STN1: variants seen among roughly 807,000 people sequenced by gnomAD.
STN1 encodes STN1 subunit of CST complex, also known as CST complex subunit STN1.
STN1 carries 29 observed loss-of-function variants against 45.5 expected under a neutral mutation model. That is an observed-to-expected ratio of 0.64 (90% CI 0.47 to 0.87). The LOEUF (loss-of-function observed/expected upper bound fraction) is 0.87, where lower values mean the gene tolerates loss of function less well. STN1 is among the 40% of genes least tolerant of loss of function. STN1 has a pLI of 0.00. For synonymous variants in STN1, 148 were observed against 159.0 expected (o/e 0.93, Z 0.52); for missense variants, 376 against 441.4 (o/e 0.85, Z 1.33).
At chr10:103,887,434 G>C (rs1843111308) in intron 9 of STN1, among the ~76,000 whole-genome samples, 1 of 152,202 alleles carries the variant, frequency 6.6e-6, no homozygotes, top group Non-Finnish European at 1.5e-5. Context: ...GGGGAACACA[G>C]AAGCTGGGGC....
intron 2 of STN1, among the ~76,000 whole-genome samples, chr10:103,912,917 T>A (rs191459629): frequency 2.6e-5 from 4 of 152,180 alleles, no homozygotes; most frequent in African/African-American, 9.7e-5. Context: ...CCACAGCACA[T>A]AGGCAATCAG....
At chr10:103,897,470 C>T in intron 7 of STN1, 78 bp downstream of exon 7, 7 of 1,246,274 alleles carry the variant, frequency 5.6e-6, no homozygotes, top group Non-Finnish European at 8.2e-6. Flanking sequence ...CTTCATGCCA[C>T]AGTCACTTTC....
intron 2 of STN1, 33 bp downstream of exon 2, chr10:103,917,429 G>A (rs1843341052): frequency 1.2e-6 from 2 of 1,602,094 alleles, no homozygotes; most frequent in African/African-American, 2.7e-5. Context: ...GGCAGATGCA[G>A]CCCAGGGCAT....
At chr10:103,889,028 C>T (rs763987506) in intron 9 of STN1, 44 bp downstream of exon 9, 1 of 1,368,414 alleles carries the variant, frequency 7.3e-7, no homozygotes, top group South Asian at 1.2e-5. Flanking sequence ...GACAGTATCC[C>T]CTTCCAGGGC....
chr10:103,908,639 A>T (rs1393391492), intron 3 of STN1, among the ~76,000 whole-genome samples: 1 of 152,194 alleles, frequency 6.6e-6, no homozygotes, highest in African/African-American at 2.4e-5. Context: ...CAGCAGTCAG[A>T]TGCTTTTTAT....
chr10:103,892,366 T>C (rs975948627), intron 7 of STN1, 114 bp from the exon 8 acceptor site: 4 of 939,338 alleles, frequency 4.3e-6, no homozygotes, highest in Non-Finnish European at 4.6e-6. Context: ...TTTTAACTGC[T>C]GAGTCAAAAA....
intron 3 of STN1, among the ~76,000 whole-genome samples, chr10:103,905,484 T>C (rs1249635929): frequency 6.6e-6 from 1 of 152,188 alleles, no homozygotes; most frequent in Non-Finnish European, 1.5e-5. Flanking sequence ...ATGGTGGCCT[T>C]GGGAAGTTAA....
Position 103,888,936 on chromosome 10 carries a change from AG to A in STN1, c.949+135del, listed in dbSNP as rs1843120499. On this transcript the variant is annotated intron_variant, in intron 9 of 9. Transcript: ENST00000224950. ...GAGGAGATGGAGGCTCAGGGAGGGC[AG>A]GTACTTTGACTATCACCTTTCCAAG... 6.2e-6 allele frequency: 4 copies of A among 640,944 alleles called. No homozygotes were observed. In the South Asian group the frequency reaches 7.1e-5, roughly 11 times the overall value. The allele number at this position is 640,944 out of a possible 1,614,324, so 39.7% of individuals were successfully genotyped here. A position where few individuals can be genotyped will look rare whatever the true frequency, so the allele number is the denominator to read the frequency against.
intron 7 of STN1, among the ~76,000 whole-genome samples, chr10:103,893,179 CTT>C (rs879777071): frequency 1.4e-5 from 2 of 146,808 alleles, no homozygotes; most frequent in African/African-American, 2.5e-5. Context: ...AGTACAGATC[CTT>C]TTTTTTTTTG....
chr10:103,891,553 C>T (rs1183959334), intron 8 of STN1, among the ~76,000 whole-genome samples: 1 of 152,176 alleles, frequency 6.6e-6, no homozygotes, highest in African/African-American at 2.4e-5. Flanking sequence ...GGCAATCGAT[C>T]ACCTACCCCA....
At chr10:103,915,620 T>C (rs1165750993) in intron 2 of STN1, among the ~76,000 whole-genome samples, 1 of 152,244 alleles carries the variant, frequency 6.6e-6, no homozygotes, top group Non-Finnish European at 1.5e-5. Flanking sequence ...AGATATTCTT[T>C]GCTGTTTAAA....
At position 103,882,132 on chromosome 10, in the gene STN1, C is replaced by A. The variant is rs1407510345; in HGVS notation, c.*552G>T. ...GGCAGGCCTGTAAAGAGCATCGACC[C>A]AGGTCTCAACCCCACTGCTGGTAAC... On this transcript the variant is annotated 3_prime_UTR_variant, in exon 10 of 10. Transcript: ENST00000224950. 6.6e-6 allele frequency among the ~76,000 whole-genome samples: 1 copy of A among 152,116 alleles called. No individual in the cohort carries two copies. The highest frequency in any genetic ancestry group is 2.4e-5 in the African/African-American group (1 of 41,428).
At chr10:103,905,950 C>T (rs765524229) in intron 3 of STN1, among the ~76,000 whole-genome samples, 16 of 151,966 alleles carry the variant, frequency 1.1e-4, no homozygotes, top group South Asian at 2.1e-4. Context: ...GCCTAATTTC[C>T]GACAAACTCA....
intron 9 of STN1, among the ~76,000 whole-genome samples, chr10:103,886,280 C>T (rs563046921): frequency 3.3e-5 from 5 of 152,154 alleles, no homozygotes; most frequent in East Asian, 3.9e-4. Flanking sequence ...TAATTTTCTT[C>T]GGTGTGAAAT....
At position 103,881,899 on chromosome 10, in the gene STN1, G is replaced by A. The variant is rs1396400258; in HGVS notation, c.*785C>T. On this transcript the variant is annotated 3_prime_UTR_variant, in exon 10 of 10. Transcript: ENST00000224950. The stretch of plus-strand genomic sequence containing the variant: ...TGTCAGCACATCCTGCACACTCAGC[G>A]GCAACCCTGAAAATAACATCTACCA... Among the ~76,000 whole-genome samples, 1 of 152,172 alleles carries A rather than the reference G, an allele frequency of 6.6e-6. No individual in the cohort carries two copies. The highest frequency in any genetic ancestry group is 1.5e-5 in the Non-Finnish European group (1 of 68,044).
chr10:103,910,526 C>T lies in STN1; in HGVS notation c.229+1G>A, dbSNP rs778040813. The T allele has an allele frequency of 1.1e-5, 17 of 1,587,096 alleles. No homozygotes were observed. Among genetic ancestry groups the T allele is most frequent in the Non-Finnish European group, 1.4e-5 (16 of 1,156,220 alleles). On this transcript the variant is annotated splice_donor_variant, in intron 3 of 9. Transcript: ENST00000224950. LOFTEE classifies it high-confidence loss of function. ...TTCATTTCAGACACAATTGTTCTTA[C>T]CTCCATAACTGTAGAAAGCATCTCT... is the stretch of plus-strand genomic sequence containing the variant.
chr10:103,900,730 A>ACACACACT (rs369269804), intron 4 of STN1, among the ~76,000 whole-genome samples: 4 of 146,106 alleles, frequency 2.7e-5, no homozygotes, highest in Non-Finnish European at 3.0e-5. Context: ...ACACACACAC[A>ACACACACT]CTCTCTCTCT....
At chr10:103,896,556 G>A (rs1406130454) in intron 7 of STN1, among the ~76,000 whole-genome samples, 1 of 152,018 alleles carries the variant, frequency 6.6e-6, no homozygotes, top group African/African-American at 2.4e-5. Flanking sequence ...CAAGCAATAC[G>A]TCAACACCAA....
In STN1 at chr10:103,880,620, T is replaced by C. The variant is rs1843062328; in HGVS notation, c.*2064A>G. On this transcript the variant is annotated 3_prime_UTR_variant, in exon 10 of 10. Transcript: ENST00000224950. ...CTAAGTGGAGATGTCAGTAGCAAAC[T>C]GAATATAGGGGTCTGCAGTTCAGGG... Among the ~76,000 whole-genome samples, 1 of 152,164 alleles carries C rather than the reference T, an allele frequency of 6.6e-6. No individual in the cohort carries two copies. Among genetic ancestry groups the C allele is most frequent in the Non-Finnish European group, 1.5e-5 (1 of 68,022 alleles).
Sources: allele counts gnomAD v4.1 joint callset (sites outside exome capture counted in the v4.1 genomes callset), GRCh38; gene constraint gnomAD v4.1.1; transcripts MANE v1.5; gene names NCBI Gene and HGNC (gene_info 2026-07-23, HGNC 2026-07-21).